Variants in PSAT1 observed in about 807,000 individuals in gnomAD.
PSAT1 encodes the protein phosphoserine aminotransferase.
Under a neutral mutation model 40.3 loss-of-function variants are expected in PSAT1, and 41 were observed. That is an observed-to-expected ratio of 1.02 (90% CI 0.79 to 1.32). PSAT1 has a LOEUF of 1.32. PSAT1 is among the 40% of genes most tolerant of loss of function. The pLI is 0.00. For synonymous variants in PSAT1, 147 were observed against 170.5 expected, an observed-to-expected ratio of 0.86 and a Z score of 1.07; for missense variants, 406 against 455.8, an observed-to-expected ratio of 0.89 and a Z score of 0.99.
rs775130332 is a variant in PSAT1 at position 78,308,493 on chromosome 9, T to C, written c.650T>C (p.Leu217Pro). ...GTGGTGATTGTCCGTGATGACCTGC[T>C]GGGGTTTGCCCTCCGAGAGTGCCCC... is the stretch of plus-strand genomic sequence containing the variant. ...VTVVIVRDDL[L>P]GFALRECPSV... Residue 217 changes from leucine (L) to proline (P), a missense_variant, in exon 6 of 9, where the codon CTG becomes CCG. Transcript: ENST00000376588. 1.2e-6 allele frequency: 2 copies of C among 1,613,924 alleles called. No homozygotes were observed. Among genetic ancestry groups the C allele is most frequent in the East Asian group, 2.2e-5 (1 of 44,892 alleles).
chr9:78,306,224 G>A, intron 4 of PSAT1, 90 bp from the exon 5 acceptor site: 1 of 1,381,856 alleles, frequency 7.2e-7, no homozygotes, highest in East Asian at 2.3e-5. Flanking sequence ...CCTGCTAGGG[G>A]AGGCCTGTCA....
At chr9:78,320,322 T>TTCCATCCG (rs1554687716) in intron 7 of PSAT1, among the ~76,000 whole-genome samples, 19 of 146,088 alleles carry the variant, frequency 1.3e-4, no homozygotes, top group Non-Finnish European at 1.5e-5. Context: ...TCCATCAATC[T>TTCCATCCG]TCCATCCATC....
chr9:78,302,358 A>G (rs904669102), intron 3 of PSAT1, among the ~76,000 whole-genome samples: 4 of 152,192 alleles, frequency 2.6e-5, no homozygotes, highest in African/African-American at 9.7e-5. Context: ...ATAATTGACT[A>G]TAAACTAGTT....
intron 7 of PSAT1, among the ~76,000 whole-genome samples, chr9:78,323,960 C>T (rs1351575812): frequency 6.6e-6 from 1 of 152,190 alleles, no homozygotes; most frequent in Non-Finnish European, 1.5e-5. Flanking sequence ...TCTTCACTGC[C>T]TGCTCATCTC....
intron 7 of PSAT1, among the ~76,000 whole-genome samples, chr9:78,325,168 C>G (rs1229941674): frequency 1.3e-5 from 2 of 152,022 alleles, no homozygotes; most frequent in African/African-American, 4.8e-5. Flanking sequence ...TCTGGTTGTT[C>G]CCATGTAGCT....
intron 6 of PSAT1, among the ~76,000 whole-genome samples, chr9:78,310,654 A>C (rs1009623085): frequency 1.3e-5 from 2 of 150,292 alleles, no homozygotes; most frequent in Admixed American, 1.3e-4. Context: ...TCTGTTGCCC[A>C]GGCTGGAGTG....
intron 7 of PSAT1, among the ~76,000 whole-genome samples, chr9:78,326,565 T>A (rs1328278205): frequency 6.6e-6 from 1 of 152,098 alleles, no homozygotes; most frequent in Non-Finnish European, 1.5e-5. Flanking sequence ...CCCAGAAAAA[T>A]TTAAAATAAA....
At chr9:78,307,377 G>A (rs1285036934) in intron 5 of PSAT1, among the ~76,000 whole-genome samples, 4 of 152,322 alleles carry the variant, frequency 2.6e-5, no homozygotes, top group East Asian at 1.9e-4. Flanking sequence ...TTCAAGGTTC[G>A]TCCATGTTGT....
intron 1 of PSAT1, among the ~76,000 whole-genome samples, chr9:78,300,239 G>T (rs1236580687): frequency 6.6e-6 from 1 of 152,116 alleles, no homozygotes; most frequent in Non-Finnish European, 1.5e-5. Context: ...TATAATCTGG[G>T]CATAATTTTT....
rs1828547973 is a variant in PSAT1, at chr9:78,329,327, CAA to C, written c.*243_*244del. 2 of 508,162 alleles carry C rather than the reference CAA, an allele frequency of 3.9e-6. No homozygotes were observed. The highest frequency in any genetic ancestry group is 6.7e-5 in the Admixed American group (2 of 29,992). 31.5% of individuals were successfully genotyped at this position (508,162 alleles called of 1,614,324 possible). ...TTAAGAAATCTTGTTGCTTTTCTAA[CAA>C]ATTCCCGCGTATTTTGCCTTTGCTG... On this transcript the variant is annotated 3_prime_UTR_variant, in exon 9 of 9. Transcript: ENST00000376588.
chr9:78,305,772 A>G (rs370039468), intron 4 of PSAT1, among the ~76,000 whole-genome samples: 1 of 152,212 alleles, frequency 6.6e-6, no homozygotes, highest in Non-Finnish European at 1.5e-5. Context: ...GGCTGAGAGT[A>G]GGTGAGGGCT....
At chr9:78,318,284 T>C (rs911186277) in intron 7 of PSAT1, among the ~76,000 whole-genome samples, 1 of 152,110 alleles carries the variant, frequency 6.6e-6, no homozygotes, top group African/African-American at 2.4e-5. Context: ...TATCCCAGAG[T>C]CTGTGAATGG....
In PSAT1 at chr9:78,329,923, TTAAAC is replaced by T. The variant is rs1828555750; in HGVS notation, c.*843_*847del. ...GGTTGGTTGTTTTTCAATTATGCCA[TTAAAC>T]TAAACATTTCTGTTAAATTACCCTA... On this transcript the variant is annotated 3_prime_UTR_variant, in exon 9 of 9. Coordinates refer to ENST00000376588, the MANE Select transcript of PSAT1 (RefSeq NM_058179.4). 2.0e-5 allele frequency: 3 copies of T among 152,218 alleles called. No homozygotes were observed. The highest frequency in any genetic ancestry group is 7.2e-5 in the African/African-American group (3 of 41,458). 9.4% of individuals were successfully genotyped at this position (152,218 alleles called of 1,614,324 possible). A position where few individuals can be genotyped will look rare whatever the true frequency, so the allele number is the denominator to read the frequency against.
chr9:78,312,551 C>G (rs143751867), intron 6 of PSAT1, among the ~76,000 whole-genome samples: 1 of 151,980 alleles, frequency 6.6e-6, no homozygotes, highest in African/African-American at 2.4e-5. Context: ...CAAAAATTAG[C>G]CAGGCATGGT....
rs144606148 is a variant in PSAT1, at chr9:78,316,843, TA to T, written c.741-831del. Among the ~76,000 whole-genome samples, 880 of 152,326 alleles carry T rather than the reference TA, an allele frequency of 5.8e-3. 7 individuals carry two copies. Among genetic ancestry groups the T allele is most frequent in the African/African-American group, 0.02 (831 of 41,574 alleles). On this transcript the variant is annotated intron_variant, in intron 6 of 8. Transcript: ENST00000376588. ...CTCTGCTGGCTGGAAGGCACTGTGC[TA>T]AGGATGTGGGTAGAAAAGATGAACA...
intron 6 of PSAT1, among the ~76,000 whole-genome samples, chr9:78,314,217 G>A (rs1044120113): frequency 2.7e-5 from 4 of 145,546 alleles, no homozygotes; most frequent in Admixed American, 7.0e-5. Context: ...TGGAAGCCAC[G>A]AGGGTCCTGT....
At chr9:78,303,417 A>G (rs3758200) in intron 3 of PSAT1, among the ~76,000 whole-genome samples, 92,713 of 151,940 alleles carry the variant, frequency 0.61, 28,731 homozygotes, top group Admixed American at 0.68. Context: ...GGGAGAGATG[A>G]CATTTGACCA....
At chr9:78,315,633 C>A (rs1215483813) in intron 6 of PSAT1, among the ~76,000 whole-genome samples, 2 of 152,192 alleles carry the variant, frequency 1.3e-5, no homozygotes, top group Non-Finnish European at 2.9e-5. Context: ...GCTGGGGAAG[C>A]TTCAGGAGAG....
intron 6 of PSAT1, among the ~76,000 whole-genome samples, chr9:78,310,614 G>T (rs1400170614): frequency 3.0e-5 from 4 of 133,470 alleles, no homozygotes; most frequent in Non-Finnish European, 4.8e-5. Flanking sequence ...GGAAAGGAAA[G>T]AATTTTTTTT....
Sources: gnomAD v4.1 joint callset for allele counts (sites outside exome capture counted in the v4.1 genomes callset) on GRCh38, gnomAD v4.1.1 for gene constraint, MANE v1.5 for transcripts, NCBI Gene and HGNC (gene_info 2026-07-23, HGNC 2026-07-21) for gene names.